The following RANBP2 variants were observed in gnomAD, a reference collection of about 807,000 sequenced individuals.
RANBP2 encodes the protein RAN binding protein 2.
RANBP2 carries 57 observed loss-of-function variants against 303.6 expected under a neutral mutation model. That is an observed-to-expected ratio of 0.19 (90% CI 0.15 to 0.23). RANBP2 has a LOEUF of 0.23. Ranked by LOEUF, RANBP2 falls within the 10% of genes least tolerant of loss-of-function variation. The pLI, the probability that RANBP2 is intolerant of heterozygous loss-of-function variation, is 1.00. For synonymous variants in RANBP2, 1,167 were observed against 1,301.5 expected, an observed-to-expected ratio of 0.90 and a Z score of 2.23; for missense variants, 3,138 against 3,780.8, an observed-to-expected ratio of 0.83 and a Z score of 4.46.
chr2:108,846,831 T>G, the RANBP2 span: 1 of 1,608,594 alleles, frequency 6.2e-7, no homozygotes, highest in Non-Finnish European at 8.5e-7. Context: ...TCCACAGCAT[T>G]CTGTGGAGAA....
the RANBP2 span, among the ~76,000 whole-genome samples, chr2:109,110,725 G>C: frequency 9.9e-5 from 15 of 152,214 alleles, no homozygotes; most frequent in African/African-American, 2.7e-4. Flanking sequence ...TCATGTTTCT[G>C]TTTCTCTGGT....
At chr2:108,722,914 A>AT (rs1273310412) in intron 1 of RANBP2, among the ~76,000 whole-genome samples, 12 of 152,192 alleles carry the variant, frequency 7.9e-5, no homozygotes, top group East Asian at 1.9e-4. Context: ...AAGAAAAAAA[A>AT]ATATAATTCT....
the RANBP2 span, among the ~76,000 whole-genome samples, chr2:109,122,722 T>A: frequency 6.6e-6 from 1 of 152,078 alleles, no homozygotes; most frequent in Non-Finnish European, 1.5e-5. Flanking sequence ...TTAAAAAAAA[T>A]TAGCCAGACA....
the RANBP2 span, among the ~76,000 whole-genome samples, chr2:109,488,681 C>T: frequency 5.9e-5 from 9 of 152,152 alleles, no homozygotes; most frequent in Non-Finnish European, 1.0e-4. Flanking sequence ...CAAGTTGTGC[C>T]GCCAACAAGA....
At chr2:109,208,181 C>A in the RANBP2 span, among the ~76,000 whole-genome samples, 416 of 152,386 alleles carry the variant, frequency 2.7e-3, no homozygotes, top group Non-Finnish European at 4.9e-3. Flanking sequence ...TGCCCTGTGG[C>A]ACCTACCTGG....
At chr2:109,075,025 C>CAAAAA in the RANBP2 span, among the ~76,000 whole-genome samples, 70 of 44,566 alleles carry the variant, frequency 1.6e-3, no homozygotes, top group East Asian at 4.0e-3. Context: ...GTCTCCATCT[C>CAAAAA]AAAAAAAAAA....
At chr2:108,738,276 C>G (rs367741934) in intron 6 of RANBP2, among the ~76,000 whole-genome samples, 1 of 151,618 alleles carries the variant, frequency 6.6e-6, no homozygotes, top group Non-Finnish European at 1.5e-5. Flanking sequence ...GGGGTTTCAC[C>G]GCGTTAGCCA....
the RANBP2 span, among the ~76,000 whole-genome samples, chr2:109,694,039 A>G: frequency 6.6e-6 from 1 of 152,200 alleles, no homozygotes; most frequent in African/African-American, 2.4e-5. Context: ...GTGTGTGTCT[A>G]CAAACATTGA....
intron 17 of RANBP2, among the ~76,000 whole-genome samples, chr2:108,756,128 G>A (rs1407591681): frequency 6.6e-6 from 1 of 152,108 alleles, no homozygotes. Context: ...ATAAGAGTTC[G>A]TGGCACAGAG....
chr2:109,350,757 C>T, the RANBP2 span, among the ~76,000 whole-genome samples: 2 of 152,256 alleles, frequency 1.3e-5, no homozygotes, highest in Admixed American at 1.3e-4. Flanking sequence ...AATCAGACCT[C>T]CAGGAACCAA....
chr2:108,732,884 C>A (rs963765237), intron 4 of RANBP2, among the ~76,000 whole-genome samples: 2 of 152,160 alleles, frequency 1.3e-5, no homozygotes, highest in African/African-American at 4.8e-5. Context: ...AGTTCACTGG[C>A]GCAATCTTGG....
chr2:109,563,333 T>C, the RANBP2 span, among the ~76,000 whole-genome samples: 840 of 152,364 alleles, frequency 5.5e-3, 11 homozygotes, highest in South Asian at 0.056. Context: ...AAAGCTTATA[T>C]GCAACAGCGG....
At chr2:108,758,749 A>T (rs989448053) in intron 18 of RANBP2, among the ~76,000 whole-genome samples, 1 of 150,110 alleles carries the variant, frequency 6.7e-6, no homozygotes, top group Non-Finnish European at 1.5e-5. Context: ...GCCGTATGTG[A>T]TCACGTGTAT....
the RANBP2 span, among the ~76,000 whole-genome samples, chr2:109,280,446 A>G: frequency 1.3e-5 from 2 of 152,118 alleles, no homozygotes; most frequent in African/African-American, 4.8e-5. Context: ...ACGCTCAGCA[A>G]TAGGAAGGGG....
chr2:109,546,222 C>G, the RANBP2 span: 2 of 1,554,542 alleles, frequency 1.3e-6, no homozygotes, highest in Non-Finnish European at 1.7e-6. Flanking sequence ...TTAAGGTGCT[C>G]AAATTTGGCC....
chr2:109,025,896 C>T, the RANBP2 span, among the ~76,000 whole-genome samples: 1 of 152,036 alleles, frequency 6.6e-6, no homozygotes, highest in East Asian at 1.9e-4. Context: ...TCTAGTTTTT[C>T]ACAGAGATGG....
the RANBP2 span, chr2:109,543,981 T>C: frequency 1.6e-6 from 1 of 616,810 alleles, no homozygotes; most frequent in Non-Finnish European, 2.8e-6. Context: ...AAACAAAATC[T>C]GTTTAAACTG....
the RANBP2 span, among the ~76,000 whole-genome samples, chr2:109,250,129 A>G: frequency 9.8e-6 from 1 of 102,368 alleles, no homozygotes; most frequent in South Asian, 2.9e-4. Context: ...TCTTGTTTTT[A>G]TCTGTCCTTA....
chr2:109,309,220 CTGTT>C, the RANBP2 span, among the ~76,000 whole-genome samples: 2 of 140,072 alleles, frequency 1.4e-5, no homozygotes, highest in Admixed American at 1.5e-4. Flanking sequence ...ATTTGGCTCT[CTGTT>C]TGTCTGTTGT....
Sources: allele counts gnomAD v4.1 joint callset (sites outside exome capture counted in the v4.1 genomes callset), GRCh38; gene constraint gnomAD v4.1.1; transcripts MANE v1.5; gene names NCBI Gene and HGNC (gene_info 2026-07-23, HGNC 2026-07-21).